Variants in PPFIA2 observed in about 807,000 individuals in gnomAD.
The protein encoded by PPFIA2 is liprin-alpha-2.
Under a neutral mutation model 175.5 loss-of-function variants are expected in PPFIA2, and 46 were observed. The observed-to-expected ratio is 0.26, with a 90% CI of 0.21 to 0.34. PPFIA2 has a LOEUF of 0.34. PPFIA2 is among the 10% of genes least tolerant of loss of function. PPFIA2 has a pLI of 1.00. For missense variants in PPFIA2, 1,179 were observed against 1,506.1 expected, an observed-to-expected ratio of 0.78 and a Z score of 3.60; for synonymous variants, 568 against 511.4, an observed-to-expected ratio of 1.11 and a Z score of -1.49.
In PPFIA2 at chr12:81,635,696, G is replaced by A. The variant is rs147830974; in HGVS notation, c.303+41095C>T. 8.0e-3 allele frequency among the ~76,000 whole-genome samples: 1,213 copies of A among 152,208 alleles called. 16 individuals are homozygous for A. Among genetic ancestry groups the A allele is most frequent in the African/African-American group, 0.027 (1,114 of 41,508 alleles). On this transcript the variant is annotated intron_variant, in intron 4 of 32. Transcript: ENST00000549396. Reference sequence around the variant, plus strand: ...AGCACCACACCTGACATGTCCATGCGGCCTCTTTGTATGTATTAGTTTGAG... The same window carrying A: ...AGCACCACACCTGACATGTCCATGCAGCCTCTTTGTATGTATTAGTTTGAG...
At chr12:81,628,642 G>T (rs564467150) in intron 4 of PPFIA2, among the ~76,000 whole-genome samples, 1 of 152,294 alleles carries the variant, frequency 6.6e-6, no homozygotes. Context: ...GCCTCCCAAA[G>T]TGCTGGGATT....
At chr12:81,662,571 C>T (rs1276635732) in intron 4 of PPFIA2, among the ~76,000 whole-genome samples, 1 of 152,062 alleles carries the variant, frequency 6.6e-6, no homozygotes, top group Non-Finnish European at 1.5e-5. Flanking sequence ...AGCTTACCAA[C>T]CAAAAAAAGT....
chr12:81,676,128 A>C (rs1000311708), intron 4 of PPFIA2, among the ~76,000 whole-genome samples: 2 of 152,070 alleles, frequency 1.3e-5, no homozygotes, highest in Non-Finnish European at 2.9e-5. Flanking sequence ...TAATGACAAA[A>C]ATGTATGCAT....
intron 4 of PPFIA2, among the ~76,000 whole-genome samples, chr12:81,582,500 C>T (rs1267252983): frequency 6.6e-6 from 1 of 151,620 alleles, no homozygotes; most frequent in Admixed American, 6.6e-5. Flanking sequence ...GTGTATTTGA[C>T]CCTTCTCTAC....
chr12:81,393,250 T>C (rs1251285249), intron 8 of PPFIA2, among the ~76,000 whole-genome samples: 1 of 152,100 alleles, frequency 6.6e-6, no homozygotes, highest in Non-Finnish European at 1.5e-5. Context: ...TCTTACTCTG[T>C]ATAGTTTGAA....
intron 8 of PPFIA2, among the ~76,000 whole-genome samples, chr12:81,398,602 A>C (rs972288155): frequency 6.6e-6 from 1 of 152,078 alleles, no homozygotes; most frequent in African/African-American, 2.4e-5. Context: ...GAGATCAAAT[A>C]AAACAACTCA....
At chr12:81,753,172 C>A (rs2084096798) in intron 3 of PPFIA2, among the ~76,000 whole-genome samples, 1 of 152,052 alleles carries the variant, frequency 6.6e-6, no homozygotes, top group Admixed American at 6.6e-5. Context: ...TGAGCTCAGG[C>A]AATCCACCCA....
chr12:81,340,639 C>G (rs2057886481), intron 20 of PPFIA2, among the ~76,000 whole-genome samples: 1 of 152,044 alleles, frequency 6.6e-6, no homozygotes, highest in Non-Finnish European at 1.5e-5. Context: ...CTGCTGGCAG[C>G]AGCAGTACCC....
At chr12:81,574,419 T>A (rs192199887) in intron 4 of PPFIA2, among the ~76,000 whole-genome samples, 2 of 151,730 alleles carry the variant, frequency 1.3e-5, no homozygotes, top group Admixed American at 6.6e-5. Context: ...TTCCTTGTAT[T>A]TTTTTTAAAG....
chr12:81,528,244 C>G (rs1426848282), intron 4 of PPFIA2, among the ~76,000 whole-genome samples: 1 of 151,930 alleles, frequency 6.6e-6, no homozygotes, highest in Non-Finnish European at 1.5e-5. Context: ...CATCTTGAAG[C>G]AGACAGATCA....
chr12:81,726,740 C>T (rs189585795), intron 3 of PPFIA2, among the ~76,000 whole-genome samples: 2 of 151,408 alleles, frequency 1.3e-5, no homozygotes, highest in Admixed American at 1.3e-4. Context: ...GATTATATGG[C>T]CTGCCTCTTA....
chr12:81,506,502 A>G (rs1038484949), intron 4 of PPFIA2, among the ~76,000 whole-genome samples: 1 of 152,176 alleles, frequency 6.6e-6, no homozygotes, highest in African/African-American at 2.4e-5. Flanking sequence ...CTTTACCCCA[A>G]ACCAAATACA....
At chr12:81,590,239 A>C (rs1595362674) in intron 4 of PPFIA2, among the ~76,000 whole-genome samples, 1 of 152,150 alleles carries the variant, frequency 6.6e-6, no homozygotes, top group East Asian at 1.9e-4. Context: ...ACACATGCCA[A>C]GCATTCTGAG....
chr12:81,559,780 A>G (rs1347814474), intron 4 of PPFIA2, among the ~76,000 whole-genome samples: 2 of 150,254 alleles, frequency 1.3e-5, no homozygotes, highest in Non-Finnish European at 3.0e-5. Context: ...TTCTTACCCA[A>G]TGCTTTTTAC....
At chr12:81,617,538 T>C (rs1405724206) in intron 4 of PPFIA2, among the ~76,000 whole-genome samples, 1 of 152,226 alleles carries the variant, frequency 6.6e-6, no homozygotes. Flanking sequence ...TGTAAACATG[T>C]AGATCAGGCC....
rs192190628 is a variant in PPFIA2, at chr12:81,453,780, A to T, written c.405+3985T>A. On this transcript the variant is annotated intron_variant, in intron 5 of 32. Transcript: ENST00000549396. ...GACTGATTTTCTTTCATTCACTCAA[A>T]TTTTTGCAATGTCAACGAGGTGTTT... is the stretch of plus-strand genomic sequence containing the variant. Among the ~76,000 whole-genome samples the T allele has an allele frequency of 5.3e-5, 8 of 152,352 alleles. No homozygotes were observed. The East Asian group carries it at 1.5e-3, about 29-fold the overall frequency.
chr12:81,568,205 T>C (rs566213569), intron 4 of PPFIA2, among the ~76,000 whole-genome samples: 177 of 152,324 alleles, frequency 1.2e-3, no homozygotes, highest in African/African-American at 3.1e-3. Flanking sequence ...AGGACTTCCA[T>C]ATCTCCTGCT....
At chr12:81,737,488 T>C (rs1260416773) in intron 3 of PPFIA2, among the ~76,000 whole-genome samples, 2 of 152,002 alleles carry the variant, frequency 1.3e-5, no homozygotes, top group Admixed American at 6.6e-5. Flanking sequence ...AGAACTAAAA[T>C]GACTTCCACT....
intron 4 of PPFIA2, among the ~76,000 whole-genome samples, chr12:81,501,251 C>G (rs1016688888): frequency 6.6e-6 from 1 of 152,134 alleles, no homozygotes; most frequent in African/African-American, 2.4e-5. Context: ...ACCTCAGGGC[C>G]TTTGCACTTG....
Sources: gnomAD v4.1 joint callset for allele counts (sites outside exome capture counted in the v4.1 genomes callset) on GRCh38, gnomAD v4.1.1 for gene constraint, MANE v1.5 for transcripts, NCBI Gene and HGNC (gene_info 2026-07-23, HGNC 2026-07-21) for gene names.